The following CTDSPL variants were observed in gnomAD, a reference collection of about 807,000 sequenced individuals.
CTDSPL encodes the protein CTD small phosphatase-like protein.
A neutral mutation model predicts 30.5 loss-of-function variants in CTDSPL; 8 were observed. The ratio of observed to expected loss-of-function variants is 0.26; its 90% CI spans 0.15 to 0.47. The LOEUF is 0.47. CTDSPL is among the 20% of genes least tolerant of loss of function. The probability of loss-of-function intolerance (pLI) is 0.99; values close to 1 mark genes in which losing one functional copy is unlikely to be tolerated. For missense variants in CTDSPL, 248 were observed against 366.1 expected (o/e 0.68, Z 2.63); for synonymous variants, 110 against 137.9 (o/e 0.80, Z 1.42).
chr3:37,921,274 G>T (rs1260584321), intron 1 of CTDSPL, among the ~76,000 whole-genome samples: 2 of 152,192 alleles, frequency 1.3e-5, no homozygotes, highest in Non-Finnish European at 2.9e-5. Flanking sequence ...TGGTGTCCCA[G>T]ATCTTTCCAC....
chr3:37,930,000 A>G, intron 1 of CTDSPL, among the ~76,000 whole-genome samples: 1 of 151,952 alleles, frequency 6.6e-6, no homozygotes, highest in Non-Finnish European at 1.5e-5. Context: ...CCAGCTATTC[A>G]GGAGGCTGAG....
At chr3:37,940,083 C>A (rs1454135855) in intron 1 of CTDSPL, among the ~76,000 whole-genome samples, 1 of 149,900 alleles carries the variant, frequency 6.7e-6, no homozygotes, top group Non-Finnish European at 1.5e-5. Context: ...CAGAGCAAGA[C>A]TCCGTCTCAA....
chr3:37,927,684 G>GTGTATATATA lies in CTDSPL; in HGVS notation c.80-19372_80-19371insGTATATATAT, dbSNP rs372845166. On this transcript the variant is annotated intron_variant, in intron 1 of 7. Coordinates refer to ENST00000273179, the MANE Select transcript of CTDSPL (RefSeq NM_001008392.2). ...TGTGTGTGTGTGTGTGTGTGTATGT[G>GTGTATATATA]TATATATATATATATATATATAAAA... Among the ~76,000 whole-genome samples the GTGTATATATA allele has an allele frequency of 3.5e-3, 417 of 117,696 alleles. 3 individuals carry two copies. Among genetic ancestry groups the GTGTATATATA allele is most frequent in the African/African-American group, 0.011 (313 of 28,186 alleles). 77.2% of individuals were successfully genotyped at this position (117,696 alleles called of 152,430 possible).
At position 37,862,881 on chromosome 3, in the gene CTDSPL, C is replaced by A. The variant is rs111932575; in HGVS notation, c.79+603C>A. ...GAGTGTGTATGATTGTGTGACTACA[C>A]CACCCAACTGGCGGATTGAATGTGT... On this transcript the variant is annotated intron_variant, in intron 1 of 7. Coordinates refer to ENST00000273179, the MANE Select transcript of CTDSPL (RefSeq NM_001008392.2). This position sits in a 1 kb window ranked among gnomAD's most constrained non-coding sequence, Gnocchi z 4.3. 6.6e-6 allele frequency among the ~76,000 whole-genome samples: 1 copy of A among 152,266 alleles called. No individual in the cohort carries two copies. The highest frequency in any genetic ancestry group is 2.4e-5 in the African/African-American group (1 of 41,546).
At chr3:37,952,731 G>A (rs1179156970) in intron 2 of CTDSPL, among the ~76,000 whole-genome samples, 1 of 152,224 alleles carries the variant, frequency 6.6e-6, no homozygotes, top group East Asian at 1.9e-4. Context: ...AGCAACAGGG[G>A]AGGAATTTAG....
chr3:37,927,684 G>GTATATATATA (rs71094933), intron 1 of CTDSPL, among the ~76,000 whole-genome samples: 14 of 117,770 alleles, frequency 1.2e-4, no homozygotes, highest in South Asian at 1.1e-3. Flanking sequence ...GTGTGTATGT[G>GTATATATATA]TATATATATA....
At chr3:37,911,597 C>A in intron 1 of CTDSPL, 1 of 447,398 alleles carries the variant, frequency 2.2e-6, no homozygotes, top group Non-Finnish European at 4.5e-6. Context: ...CAACATGAAC[C>A]TTTGGCAAAT....
At position 37,862,886 on chromosome 3, in the gene CTDSPL, C is replaced by T. The variant is rs1183530653; in HGVS notation, c.79+608C>T. Among the ~76,000 whole-genome samples, 1 of 152,094 alleles carries T rather than the reference C, an allele frequency of 6.6e-6. No individual in the cohort carries two copies. Among genetic ancestry groups the T allele is most frequent in the Non-Finnish European group, 1.5e-5 (1 of 68,024 alleles). ...TGTATGATTGTGTGACTACACCACC[C>T]AACTGGCGGATTGAATGTGTTGTAT... On this transcript the variant is annotated intron_variant, in intron 1 of 7. Coordinates refer to ENST00000273179, the MANE Select transcript of CTDSPL (RefSeq NM_001008392.2). This position sits in a 1 kb window ranked among gnomAD's most constrained non-coding sequence, Gnocchi z 4.3.
rs1575309372 is a variant in CTDSPL, at chr3:37,941,004, A to T, written c.80-6053A>T. 2.0e-5 allele frequency among the ~76,000 whole-genome samples: 3 copies of T among 150,430 alleles called. No homozygotes were observed. The Admixed American group carries it at 2.0e-4, about 10-fold the overall frequency. ...CTGCCCCATTCATAGACCCTCTGTA[A>T]GCCTATTGCTGGCAGATAGGAGGTC... On this transcript the variant is annotated intron_variant, in intron 1 of 7. Transcript: ENST00000273179.
At chr3:37,966,535 G>A (rs574409904) in intron 4 of CTDSPL, among the ~76,000 whole-genome samples, 6 of 152,164 alleles carry the variant, frequency 3.9e-5, no homozygotes, top group African/African-American at 1.2e-4. Flanking sequence ...TAATGCCTTG[G>A]GAGAGTCTCT....
At chr3:37,878,074 A>G (rs1698158943) in intron 1 of CTDSPL, among the ~76,000 whole-genome samples, 1 of 152,172 alleles carries the variant, frequency 6.6e-6, no homozygotes, top group Non-Finnish European at 1.5e-5. Flanking sequence ...GTGTCTCCAC[A>G]TCCTCATCAC....
At chr3:37,907,336 C>T (rs750801011) in intron 1 of CTDSPL, among the ~76,000 whole-genome samples, 2 of 152,170 alleles carry the variant, frequency 1.3e-5, no homozygotes, top group Non-Finnish European at 2.9e-5. Context: ...ATTTTTAAAC[C>T]TATACATTCT....
At chr3:37,977,011 A>C (rs537783758) in intron 7 of CTDSPL, among the ~76,000 whole-genome samples, 1 of 152,118 alleles carries the variant, frequency 6.6e-6, no homozygotes, top group South Asian at 2.1e-4. Flanking sequence ...TGAATCCAGA[A>C]CTCTGCAGTC....
chr3:37,882,718 T>A (rs145504165), intron 1 of CTDSPL, among the ~76,000 whole-genome samples: 2 of 152,276 alleles, frequency 1.3e-5, no homozygotes, highest in Admixed American at 1.3e-4. Flanking sequence ...AAAGAAGAGG[T>A]TAAAATGCAG....
Position 37,872,088 on chromosome 3 carries a change from C to G in CTDSPL, c.79+9810C>G, listed in dbSNP as rs536289077. 2.0e-5 allele frequency among the ~76,000 whole-genome samples: 3 copies of G among 152,244 alleles called. No individual in the cohort carries two copies. The South Asian group carries it at 6.2e-4, about 32-fold the overall frequency. ...CTCACTGCAGCCTCAACCTCATGGA[C>G]TCAAGTGATCCTCCCATCTCAGCCT... On this transcript the variant is annotated intron_variant, in intron 1 of 7. Transcript: ENST00000273179.
At chr3:37,900,795 T>A (rs1478450558) in intron 1 of CTDSPL, among the ~76,000 whole-genome samples, 6 of 152,008 alleles carry the variant, frequency 3.9e-5, no homozygotes, top group Admixed American at 1.3e-4. Context: ...AATACTTATT[T>A]TTATTATTAT....
In CTDSPL at chr3:37,879,809, T is replaced by G. The variant is rs1041879438; in HGVS notation, c.79+17531T>G. Among the ~76,000 whole-genome samples, 14 of 152,212 alleles carry G rather than the reference T, an allele frequency of 9.2e-5. 1 individual carries two copies. The highest frequency in any genetic ancestry group is 5.2e-4 in the Admixed American group (8 of 15,288). Reference sequence around the variant, plus strand: ...TATTTAATCTCTCTGAGCCTTGATTTCATGGTAGTGAATACCTTATAGGGT... The same window carrying G: ...TATTTAATCTCTCTGAGCCTTGATTGCATGGTAGTGAATACCTTATAGGGT... On this transcript the variant is annotated intron_variant, in intron 1 of 7. Transcript: ENST00000273179.
At chr3:37,948,622 C>T (rs1699070289) in intron 2 of CTDSPL, among the ~76,000 whole-genome samples, 1 of 152,166 alleles carries the variant, frequency 6.6e-6, no homozygotes, top group African/African-American at 2.4e-5. Flanking sequence ...GAGAACACTA[C>T]TGTTGCCTGG....
intron 6 of CTDSPL, among the ~76,000 whole-genome samples, chr3:37,974,995 C>A (rs1317988733): frequency 1.3e-5 from 2 of 152,158 alleles, no homozygotes; most frequent in African/African-American, 2.4e-5. Context: ...GGAAATCAAG[C>A]AATCCCACAT....
Sources: allele counts gnomAD v4.1 joint callset (sites outside exome capture counted in the v4.1 genomes callset), GRCh38; gene constraint gnomAD v4.1.1; non-coding constraint Gnocchi (gnomAD v3.1); transcripts MANE v1.5; gene names NCBI Gene and HGNC (gene_info 2026-07-23, HGNC 2026-07-21).